CD5: variants seen among roughly 807,000 people sequenced by gnomAD.
The protein encoded by CD5 is T-cell surface glycoprotein CD5.
CD5 carries 36 observed loss-of-function variants against 60.3 expected under a neutral mutation model. That is an observed-to-expected ratio of 0.60 (90% CI 0.46 to 0.79). CD5 has a LOEUF of 0.79. CD5 is among the 30% of genes least tolerant of loss of function. The pLI is 0.00. For missense variants in CD5, 540 were observed against 630.6 expected (o/e 0.86, Z 1.54); for synonymous variants, 230 against 257.6 (o/e 0.89, Z 1.03).
At chr11:61,106,277 A>G (rs1223462102) in intron 1 of CD5, among the ~76,000 whole-genome samples, 1 of 152,128 alleles carries the variant, frequency 6.6e-6, no homozygotes, top group Non-Finnish European at 1.5e-5. Flanking sequence ...GGGCCTCTCT[A>G]AGGAGGCGAG....
At chr11:61,097,570 A>G (rs897109860), upstream of CD5, among the ~76,000 whole-genome samples, 1 of 152,204 alleles carries the variant, frequency 6.6e-6, no homozygotes, top group Non-Finnish European at 1.5e-5. Context: ...ATATGTGGGC[A>G]TAGAGCTTAC....
At position 61,118,900 on chromosome 11, in the gene CD5, AGT is replaced by A. The variant is rs745473030; in HGVS notation, c.401-12_401-11del. On this transcript the variant is annotated splice_polypyrimidine_tract_variant and intron_variant, in intron 3 of 10. Coordinates refer to ENST00000347785, the MANE Select transcript of CD5 (RefSeq NM_014207.4). The surrounding 1 kb of genome is among the most constrained non-coding windows in gnomAD (Gnocchi z 4.7). ...ACACCACCCATTCCTCCCTCACCAG[AGT>A]GTCTCATTGCAGAACCCCAGAAGAC... 15 of 1,610,222 alleles carry A rather than the reference AGT, an allele frequency of 9.3e-6. No homozygotes were observed. The Admixed American group carries it at 1.0e-4, about 11-fold the overall frequency.
intron 1 of CD5, among the ~76,000 whole-genome samples, chr11:61,109,384 G>A (rs982569038): frequency 3.9e-5 from 6 of 152,210 alleles, no homozygotes; most frequent in Non-Finnish European, 7.3e-5. Flanking sequence ...AGGCGTGGAC[G>A]AAACAGAAGT....
upstream of CD5, among the ~76,000 whole-genome samples, chr11:61,099,478 T>TCACACACACAACATGGAGATCA (rs71043745): frequency 1.9e-5 from 2 of 105,576 alleles, no homozygotes; most frequent in African/African-American, 9.4e-5. Context: ...AACATGGAGA[T>TCACACACACAACATGGAGATCA]CACACACACA....
chr11:61,122,896 T>C lies in CD5; in HGVS notation c.1100-11T>C, dbSNP rs2134611105. ...GGACTGGGACTGACCTAACTCTTCC[T>C]CCTTCCCCAGGCCAGGATCCAAACC... On this transcript the variant is annotated splice_polypyrimidine_tract_variant and intron_variant, in intron 6 of 10. Coordinates refer to ENST00000347785, the MANE Select transcript of CD5 (RefSeq NM_014207.4). The C allele has an allele frequency of 6.2e-7, 1 of 1,608,554 alleles. No individual in the cohort carries two copies. The highest frequency in any genetic ancestry group is 1.1e-5 in the South Asian group (1 of 90,882).
rs764803429 is a variant in CD5 at position 61,119,595 on chromosome 11, G to A, written c.805+20G>A. 129 of 1,562,684 alleles carry A rather than the reference G, an allele frequency of 8.3e-5. No individual in the cohort carries two copies. Among genetic ancestry groups the A allele is most frequent in the Non-Finnish European group, 1.0e-4 (119 of 1,147,888 alleles). ...GCTCAGGTAAGTGAGACCTGGCCAA[G>A]CCCCATGACACCTTCTGCTGCCCTA... On this transcript the variant is annotated intron_variant, in intron 5 of 10. Transcript: ENST00000347785.
rs1326611149 is a variant in CD5 at position 61,121,924 on chromosome 11, C to G, written c.1099+20C>G. The G allele has an allele frequency of 6.6e-7, 1 of 1,511,894 alleles. No individual in the cohort carries two copies. The highest frequency in any genetic ancestry group is 8.9e-7 in the Non-Finnish European group (1 of 1,120,628). 93.7% of individuals were successfully genotyped at this position (1,511,894 alleles called of 1,614,324 possible). A position where few individuals can be genotyped will look rare whatever the true frequency, so the allele number is the denominator to read the frequency against. ...TCACATGTGAGTTGGCCACAGCCCA[C>G]AGTGGGTGGAAGCAGTTACTACTTT... On this transcript the variant is annotated intron_variant, in intron 6 of 10. Transcript: ENST00000347785.
At chr11:61,097,618 T>C (rs751865562), upstream of CD5, among the ~76,000 whole-genome samples, 3 of 152,192 alleles carry the variant, frequency 2.0e-5, no homozygotes, top group East Asian at 3.8e-4. Flanking sequence ...AGTTGTGTTA[T>C]TGGCACTATT....
chr11:61,114,976 C>G, intron 1 of CD5, 80 bp from the exon 2 acceptor site: 1 of 1,384,310 alleles, frequency 7.2e-7, no homozygotes, highest in Non-Finnish European at 1.0e-6. Flanking sequence ...GGCCATTGCT[C>G]GGGCTGTGGG....
chr11:61,106,295 C>G (rs1290333247), intron 1 of CD5, among the ~76,000 whole-genome samples: 1 of 152,144 alleles, frequency 6.6e-6, no homozygotes, highest in Non-Finnish European at 1.5e-5. Context: ...GAGGTCTCAT[C>G]TGAGAATCCG....
At chr11:61,124,893 C>A in intron 8 of CD5, 139 bp from the exon 9 acceptor site, 1 of 849,988 alleles carries the variant, frequency 1.2e-6, no homozygotes, top group Non-Finnish European at 1.8e-6. Context: ...GAGGGGGATG[C>A]ATTGAAGGGG....
rs997885833 is a variant in CD5 at position 61,115,157 on chromosome 11, A to C, written c.94+63A>C. The C allele has an allele frequency of 1.0e-5, 15 of 1,456,472 alleles. No homozygotes were observed. In the South Asian group the frequency reaches 1.8e-4, roughly 18 times the overall value. 90.2% of individuals were successfully genotyped at this position (1,456,472 alleles called of 1,614,324 possible). A position where few individuals can be genotyped will look rare whatever the true frequency, so the allele number is the denominator to read the frequency against. The stretch of plus-strand genomic sequence containing the variant: ...GGGAGAGTGGGGCTGTGGTTTCATC[A>C]GGCCATCGGGGACCTCTCGATGAAG... On this transcript the variant is annotated intron_variant, in intron 2 of 10. Transcript: ENST00000347785.
chr11:61,103,879 T>TGG (rs1204284927), intron 1 of CD5, among the ~76,000 whole-genome samples: 1 of 98,484 alleles, frequency 1.0e-5, no homozygotes, highest in Non-Finnish European at 1.9e-5. Context: ...AGTCTGTGTG[T>TGG]GAGTCTCTGG....
At chr11:61,105,976 T>C (rs1860770703) in intron 1 of CD5, among the ~76,000 whole-genome samples, 1 of 151,828 alleles carries the variant, frequency 6.6e-6, no homozygotes, top group African/African-American at 2.4e-5. Flanking sequence ...AATACAAAAA[T>C]TAGCCGGGAG....
intron 5 of CD5, 103 bp from the exon 6 acceptor site, chr11:61,121,508 C>A (rs1861058112): frequency 9.7e-7 from 1 of 1,030,848 alleles, no homozygotes. Flanking sequence ...AGTGCCTTCC[C>A]CTAGCCAGGG....
At chr11:61,117,302 G>A (rs1860979905) in intron 2 of CD5, among the ~76,000 whole-genome samples, 1 of 152,176 alleles carries the variant, frequency 6.6e-6, no homozygotes, top group Admixed American at 6.5e-5. Flanking sequence ...ACAAAAAGCA[G>A]ATCAGTGTTT....
upstream of CD5, among the ~76,000 whole-genome samples, chr11:61,100,976 A>G (rs867066964): frequency 2.4e-4 from 33 of 139,342 alleles, no homozygotes; most frequent in African/African-American, 8.3e-4. Flanking sequence ...GATCACATTC[A>G]CACACATCAA....
the CD5 span, among the ~76,000 whole-genome samples, chr11:61,096,074 C>T: frequency 6.6e-6 from 1 of 152,206 alleles, no homozygotes; most frequent in Admixed American, 6.5e-5. Flanking sequence ...AAGGCGAACG[C>T]CAGGCTAGGC....
At chr11:61,098,020 T>C (rs1860606102), upstream of CD5, among the ~76,000 whole-genome samples, 1 of 152,194 alleles carries the variant, frequency 6.6e-6, no homozygotes, top group Admixed American at 6.5e-5. Context: ...AATTGCTGTC[T>C]ACACGTAGAT....
Sources: allele counts gnomAD v4.1 joint callset (sites outside exome capture counted in the v4.1 genomes callset), GRCh38; gene constraint gnomAD v4.1.1; non-coding constraint Gnocchi (gnomAD v3.1); transcripts MANE v1.5; gene names NCBI Gene and HGNC (gene_info 2026-07-23, HGNC 2026-07-21).